Variants in RGS13 observed in about 807,000 individuals in gnomAD.
The protein encoded by RGS13 is regulator of G protein signaling 13.
A neutral mutation model predicts 19.9 loss-of-function variants in RGS13; 14 were observed. That is an observed-to-expected ratio of 0.70 (90% CI 0.46 to 1.10). The LOEUF is 1.10. Ranked by LOEUF, RGS13 falls within the 50% of genes least tolerant of loss-of-function variation. RGS13 has a pLI of 0.00. For missense variants in RGS13, 205 were observed against 187.1 expected (o/e 1.10, Z -0.56); for synonymous variants, 60 against 56.8 (o/e 1.06, Z -0.25).
At chr1:192,651,797 G>T (rs1044238210) in intron 5 of RGS13, among the ~76,000 whole-genome samples, 1 of 152,046 alleles carries the variant, frequency 6.6e-6, no homozygotes, top group African/African-American at 2.4e-5. Context: ...TTGAGGCAAG[G>T]TCGCCAGTAG....
At chr1:192,649,664 A>G (rs986991157) in intron 5 of RGS13, among the ~76,000 whole-genome samples, 8 of 152,120 alleles carry the variant, frequency 5.3e-5, no homozygotes, top group African/African-American at 1.9e-4. Flanking sequence ...GACCTGTCAC[A>G]TAACATGCCC....
intron 5 of RGS13, 140 bp from the exon 6 acceptor site, chr1:192,658,061 G>T: frequency 1.6e-6 from 1 of 620,412 alleles, no homozygotes; most frequent in East Asian, 2.8e-5. Context: ...CATGAAAATT[G>T]ATATATAGAG....
chr1:192,655,319 G>A (rs1663418813), intron 5 of RGS13, among the ~76,000 whole-genome samples: 2 of 152,074 alleles, frequency 1.3e-5, no homozygotes, highest in South Asian at 2.1e-4. Context: ...TTCAGCTTTC[G>A]CTAGTCATCA....
intron 5 of RGS13, 55 bp from the exon 6 acceptor site, chr1:192,658,143 TAGA>T: frequency 7.6e-7 from 1 of 1,320,532 alleles, no homozygotes. Context: ...CTGTATTGCT[TAGA>T]TTTTTTTGGT....
At chr1:192,646,537 G>A (rs1440051184) in intron 4 of RGS13, 1 of 152,134 alleles carries the variant, frequency 6.6e-6, no homozygotes, top group Non-Finnish European at 1.5e-5. Context: ...GGATGTGCAG[G>A]TTTGTTACAT....
Position 192,644,357 on chromosome 1 carries a change from T to G in RGS13, c.23T>G (p.Ile8Ser), listed in dbSNP as rs1663178863. 1 of 1,611,626 alleles carries G rather than the reference T, an allele frequency of 6.2e-7. No individual in the cohort carries two copies. Among genetic ancestry groups the G allele is most frequent in the South Asian group, 1.1e-5 (1 of 90,726 alleles). Residue 8 changes from isoleucine to serine, a missense_variant, in exon 4 of 7, where the codon ATT becomes AGT. Transcript: ENST00000391995. The part of the protein sequence containing the change: MSRRNCW[I>S]CKMCRDESKR... ...AAAATGAGCAGGCGGAATTGTTGGATTTGTAAGATGTGCAGAGATGAATCT... is the reference window on the plus strand; with the variant it reads ...AAAATGAGCAGGCGGAATTGTTGGAGTTGTAAGATGTGCAGAGATGAATCT...
intron 4 of RGS13, chr1:192,646,039 T>A (rs889200226): frequency 4.6e-5 from 7 of 152,140 alleles, no homozygotes; most frequent in Admixed American, 4.6e-4. Flanking sequence ...TTGAAAAGGT[T>A]ATTTTAGGTT....
intron 3 of RGS13, among the ~76,000 whole-genome samples, chr1:192,641,486 T>A (rs760722569): frequency 6.6e-6 from 1 of 152,134 alleles, no homozygotes; most frequent in Non-Finnish European, 1.5e-5. Context: ...GCTTTCCTCC[T>A]TGTTTCTGTC....
At chr1:192,656,116 A>C (rs1663433225) in intron 5 of RGS13, among the ~76,000 whole-genome samples, 1 of 152,078 alleles carries the variant, frequency 6.6e-6, no homozygotes, top group African/African-American at 2.4e-5. Flanking sequence ...ACATAAACAC[A>C]AATTCAGAAT....
chr1:192,658,216 A>G lies in RGS13; in HGVS notation c.143A>G (p.Tyr48Cys). ...LMATKYGPVV[Y>C]AAYLKMEHSD... Reference sequence around the variant, plus strand: ...CTACTTTTAGATGGTCCAGTAGTCTATGCAGCATATTTAAAAATGGAGCAC... The same window carrying G: ...CTACTTTTAGATGGTCCAGTAGTCTGTGCAGCATATTTAAAAATGGAGCAC... Residue 48 changes from tyrosine (Y) to cysteine (C), a missense_variant, in exon 6 of 7, where the codon TAT (tyrosine) becomes TGT (cysteine). By Grantham distance (194) the Tyr-to-Cys change is radical (BLOSUM62 -2). Transcript: ENST00000391995. 8 of 1,612,944 alleles carry G rather than the reference A, an allele frequency of 5.0e-6. No homozygotes were observed. The highest frequency in any genetic ancestry group is 6.8e-6 in the Non-Finnish European group (8 of 1,179,246).
chr1:192,653,710 TCATATTATAATGCC>T (rs1216895902), intron 5 of RGS13, among the ~76,000 whole-genome samples: 6 of 152,130 alleles, frequency 3.9e-5, no homozygotes, highest in Non-Finnish European at 7.4e-5. Context: ...AAAATTGCTT[TCATATTATAATGCC>T]CATAGGATCA....
At chr1:192,641,264 AAG>A (rs1202253321) in intron 3 of RGS13, among the ~76,000 whole-genome samples, 33 of 110,296 alleles carry the variant, frequency 3.0e-4, no homozygotes, top group African/African-American at 9.2e-4. Flanking sequence ...AAAAGAAAGA[AAG>A]AAAGAAAGAA....
chr1:192,657,709 C>T (rs1663467356), intron 5 of RGS13, among the ~76,000 whole-genome samples: 1 of 152,100 alleles, frequency 6.6e-6, no homozygotes, highest in African/African-American at 2.4e-5. Flanking sequence ...CATTGAGAAA[C>T]ACTCCAGGGT....
In RGS13 at chr1:192,659,683, A is replaced by G. The variant is rs765135608; in HGVS notation, c.*160A>G. On this transcript the variant is annotated 3_prime_UTR_variant, in exon 7 of 7. Transcript: ENST00000391995. ...TAAAAAGAAACATATTTCAAAAGCA[A>G]TGGAATCTAGAATTCTTATAACATG... The G allele has an allele frequency of 3.4e-6, 2 of 595,410 alleles. No homozygotes were observed. The highest frequency in any genetic ancestry group is 5.9e-6 in the Non-Finnish European group (2 of 340,294). The allele number at this position is 595,410 out of a possible 1,614,324, so 36.9% of individuals were successfully genotyped here. A position where few individuals can be genotyped will look rare whatever the true frequency, so the allele number is the denominator to read the frequency against.
At chr1:192,639,145 C>G (rs1236844501) in intron 3 of RGS13, among the ~76,000 whole-genome samples, 1 of 152,062 alleles carries the variant, frequency 6.6e-6, no homozygotes, top group Non-Finnish European at 1.5e-5. Context: ...AAAAAGTAGC[C>G]TTTTCACCAC....
At chr1:192,641,661 C>G (rs2102029552) in intron 3 of RGS13, among the ~76,000 whole-genome samples, 1 of 152,312 alleles carries the variant, frequency 6.6e-6, no homozygotes, top group South Asian at 2.1e-4. Context: ...TTCTGTGATA[C>G]TGTGTTATTC....
At chr1:192,655,637 T>C (rs1431407110) in intron 5 of RGS13, among the ~76,000 whole-genome samples, 1 of 151,774 alleles carries the variant, frequency 6.6e-6, no homozygotes, top group Non-Finnish European at 1.5e-5. Flanking sequence ...GGAAGTATAA[T>C]CCCCCTACAC....
chr1:192,648,637 T>C (rs1663261875), intron 5 of RGS13, among the ~76,000 whole-genome samples: 1 of 151,964 alleles, frequency 6.6e-6, no homozygotes, highest in African/African-American at 2.4e-5. Flanking sequence ...AAATGTAGGG[T>C]GTAGACACAG....
intron 3 of RGS13, among the ~76,000 whole-genome samples, chr1:192,642,182 C>A (rs73060168): frequency 6.6e-6 from 1 of 152,294 alleles, no homozygotes; most frequent in Admixed American, 6.5e-5. Flanking sequence ...CTCTGCCTAG[C>A]ATTACAAATT....
Sources: allele counts gnomAD v4.1 joint callset (sites outside exome capture counted in the v4.1 genomes callset), GRCh38; gene constraint gnomAD v4.1.1; transcripts MANE v1.5; gene names NCBI Gene and HGNC (gene_info 2026-07-23, HGNC 2026-07-21).